Variants in ERG observed in about 807,000 individuals in gnomAD.
ERG encodes the protein transcriptional regulator ERG.
ERG carries 9 observed loss-of-function variants against 55.3 expected under a neutral mutation model. The observed-to-expected ratio is 0.16, with a 90% CI of 0.10 to 0.28. The LOEUF is 0.28. Ranked by LOEUF, ERG falls within the 10% of genes least tolerant of loss-of-function variation. The pLI is 1.00. For synonymous variants in ERG, 223 were observed against 237.3 expected, an observed-to-expected ratio of 0.94 and a Z score of 0.55; for missense variants, 434 against 631.6, an observed-to-expected ratio of 0.69 and a Z score of 3.35.
At chr21:38,643,737 T>C (rs1004865851) in intron 1 of ERG, among the ~76,000 whole-genome samples, 1 of 152,116 alleles carries the variant, frequency 6.6e-6, no homozygotes, top group African/African-American at 2.4e-5. Context: ...CACTGGAAAA[T>C]TTCCTCAGTA....
At chr21:38,573,750 A>G (rs140397425) in intron 2 of ERG, among the ~76,000 whole-genome samples, 3,744 of 152,302 alleles carry the variant, frequency 0.025, 136 homozygotes, top group East Asian at 0.16. Context: ...GGTCCTTGGT[A>G]TGCTGAGCGC....
chr21:38,566,171 G>A (rs1336585204), intron 2 of ERG, among the ~76,000 whole-genome samples: 3 of 152,276 alleles, frequency 2.0e-5, no homozygotes, highest in Middle Eastern at 3.4e-3. Context: ...ATGGGATTTT[G>A]CGATCAGAAG....
intron 1 of ERG, among the ~76,000 whole-genome samples, chr21:38,451,588 C>T (rs1439912585): frequency 1.3e-5 from 2 of 152,158 alleles, no homozygotes; most frequent in Non-Finnish European, 2.9e-5. Flanking sequence ...TAGGCTGTCG[C>T]AGGCTCTATT....
chr21:38,543,353 G>T (rs2059766143), intron 2 of ERG, among the ~76,000 whole-genome samples: 3 of 55,632 alleles, frequency 5.4e-5, no homozygotes, highest in East Asian at 2.9e-4. Flanking sequence ...ATGTATATGT[G>T]TGTTTTTTTT....
chr21:38,380,163 G>A lies in ERG; in HGVS notation c.*3240C>T, dbSNP rs1447184365. ...ATTTTCTTCTCTTTCTCCAGGCAAT[G>A]GGTCACTTTGGGGCGCTGCAGAACA... On this transcript the variant is annotated 3_prime_UTR_variant, in exon 10 of 10. Transcript: ENST00000288319. The A allele has an allele frequency of 9.6e-7, 1 of 1,044,768 alleles. No homozygotes were observed. Among genetic ancestry groups the A allele is most frequent in the Non-Finnish European group, 1.2e-6 (1 of 866,604 alleles). The allele number at this position is 1,044,768 out of a possible 1,614,324, so 64.7% of individuals were successfully genotyped here. A position where few individuals can be genotyped will look rare whatever the true frequency, so the allele number is the denominator to read the frequency against.
intron 2 of ERG, among the ~76,000 whole-genome samples, chr21:38,440,787 CAAAAAAAAAAAAA>C (rs10601871): frequency 2.0e-5 from 2 of 99,896 alleles, no homozygotes; most frequent in Non-Finnish European, 4.1e-5. Flanking sequence ...AAAACTGTCT[CAAAAAAAAAAAAA>C]AAAAAAAAAA....
chr21:38,601,369 G>A (rs931432751), intron 1 of ERG, among the ~76,000 whole-genome samples: 4 of 152,102 alleles, frequency 2.6e-5, no homozygotes, highest in Admixed American at 6.5e-5. Context: ...AGGCAATGTG[G>A]TGAGTTAACT....
At chr21:38,442,927 C>G (rs1160549270) in intron 2 of ERG, among the ~76,000 whole-genome samples, 2 of 152,194 alleles carry the variant, frequency 1.3e-5, no homozygotes, top group Non-Finnish European at 2.9e-5. Flanking sequence ...CCTGCCTCAG[C>G]CTCCCGAGTA....
upstream of ERG, among the ~76,000 whole-genome samples, chr21:38,503,165 A>T (rs77903169): frequency 0.018 from 2,732 of 152,314 alleles, 69 homozygotes; most frequent in African/African-American, 0.062. Flanking sequence ...TTATATTTTC[A>T]AAACATAAAT....
chr21:38,644,568 T>C (rs2060444985), intron 1 of ERG, among the ~76,000 whole-genome samples: 1 of 152,174 alleles, frequency 6.6e-6, no homozygotes, highest in African/African-American at 2.4e-5. Context: ...AGGGTGAAAT[T>C]TGGTATGACA....
chr21:38,604,466 T>C (rs1411980760), intron 1 of ERG, among the ~76,000 whole-genome samples: 1 of 152,052 alleles, frequency 6.6e-6, no homozygotes, highest in Non-Finnish European at 1.5e-5. Context: ...GTGGTATAAT[T>C]GAGGCAATTT....
intron 1 of ERG, among the ~76,000 whole-genome samples, chr21:38,594,537 TC>T (rs923763322): frequency 2.0e-5 from 3 of 152,018 alleles, no homozygotes; most frequent in African/African-American, 7.2e-5. Flanking sequence ...TGTCTCTCAC[TC>T]CCAAAGAGCC....
chr21:38,632,986 C>T (rs1346970863), intron 1 of ERG, among the ~76,000 whole-genome samples: 1 of 152,074 alleles, frequency 6.6e-6, no homozygotes, highest in Non-Finnish European at 1.5e-5. Flanking sequence ...ACCCAAATGT[C>T]CATGGATGGA....
chr21:38,637,984 T>C (rs1036560141), intron 1 of ERG, among the ~76,000 whole-genome samples: 1 of 152,196 alleles, frequency 6.6e-6, no homozygotes, highest in Admixed American at 6.5e-5. Context: ...AGAGTTCTCA[T>C]CACAGCCAAA....
chr21:38,474,888 A>G (rs2059173552), intron 1 of ERG, among the ~76,000 whole-genome samples: 1 of 152,196 alleles, frequency 6.6e-6, no homozygotes, highest in African/African-American at 2.4e-5. Context: ...ACAATATAGG[A>G]CCTTCCTGAT....
intron 1 of ERG, among the ~76,000 whole-genome samples, chr21:38,622,441 A>C (rs948088498): frequency 2.0e-5 from 3 of 149,486 alleles, no homozygotes; most frequent in African/African-American, 7.4e-5. Flanking sequence ...CACACCCCCC[A>C]CACATGACAT....
In ERG at chr21:38,381,101, G is replaced by A. The variant is rs1463913834; in HGVS notation, c.*2302C>T. 3 of 1,064,916 alleles carry A rather than the reference G, an allele frequency of 2.8e-6. No individual in the cohort carries two copies. Among genetic ancestry groups the A allele is most frequent in the Non-Finnish European group, 3.4e-6 (3 of 879,042 alleles). 66.0% of individuals were successfully genotyped at this position (1,064,916 alleles called of 1,614,324 possible). A position where few individuals can be genotyped will look rare whatever the true frequency, so the allele number is the denominator to read the frequency against. On this transcript the variant is annotated 3_prime_UTR_variant, in exon 10 of 10. Coordinates refer to ENST00000288319, the MANE Select transcript of ERG (RefSeq NM_182918.4). ...CCGTCTAATCCAAATGACACGGGGT[G>A]TCAGGAGCATTGGTAATCGTGTCCT...
At chr21:38,599,975 A>T (rs1343972442) in intron 1 of ERG, among the ~76,000 whole-genome samples, 1 of 152,250 alleles carries the variant, frequency 6.6e-6, no homozygotes, top group Non-Finnish European at 1.5e-5. Flanking sequence ...TAGTGTCAAA[A>T]CCAATCAGGC....
chr21:38,479,969 G>T (rs1275543180), intron 1 of ERG, among the ~76,000 whole-genome samples: 4 of 152,006 alleles, frequency 2.6e-5, no homozygotes, highest in Non-Finnish European at 4.4e-5. Flanking sequence ...TAACATACCC[G>T]GAATTGCCAG....
Sources: gnomAD v4.1 joint callset for allele counts (sites outside exome capture counted in the v4.1 genomes callset) on GRCh38, gnomAD v4.1.1 for gene constraint, MANE v1.5 for transcripts, NCBI Gene and HGNC (gene_info 2026-07-23, HGNC 2026-07-21) for gene names.